Variants in FRAS1 observed in about 807,000 individuals in gnomAD.
FRAS1 encodes extracellular matrix organizing protein FRAS1.
In FRAS1, 290 loss-of-function variants were observed where a neutral mutation model predicts 435.2. That is an observed-to-expected ratio of 0.67 (90% CI 0.61 to 0.73). The LOEUF is 0.73. FRAS1 is among the 30% of genes least tolerant of loss of function. FRAS1 has a pLI of 0.00. For missense variants in FRAS1, 4,860 were observed against 5,001.5 expected (o/e 0.97, Z 0.85); for synonymous variants, 1,800 against 1,851.0 (o/e 0.97, Z 0.71).
At chr4:78,212,137 A>G (rs1723540632) in intron 2 of FRAS1, among the ~76,000 whole-genome samples, 1 of 152,182 alleles carries the variant, frequency 6.6e-6, no homozygotes, top group Non-Finnish European at 1.5e-5. Flanking sequence ...CATTTTGGCC[A>G]TTGTGAATAA....
At chr4:78,062,243 TA>T (rs1173074146) in intron 1 of FRAS1, among the ~76,000 whole-genome samples, 1 of 152,196 alleles carries the variant, frequency 6.6e-6, no homozygotes, top group Non-Finnish European at 1.5e-5. Flanking sequence ...AATCTTACCG[TA>T]GTTCCAAAAC....
intron 6 of FRAS1, among the ~76,000 whole-genome samples, chr4:78,263,753 A>G (rs1317578393): frequency 2.0e-5 from 3 of 152,228 alleles, no homozygotes; most frequent in Admixed American, 1.3e-4. Flanking sequence ...AATACTTTGC[A>G]TATAGAAAAA....
chr4:78,356,163 T>C (rs1419637444), intron 20 of FRAS1, among the ~76,000 whole-genome samples: 2 of 152,182 alleles, frequency 1.3e-5, no homozygotes, highest in Non-Finnish European at 2.9e-5. Context: ...TAGTTCTGTC[T>C]CTTTATTATC....
At chr4:78,128,583 C>T (rs1039276095) in intron 2 of FRAS1, among the ~76,000 whole-genome samples, 18 of 152,232 alleles carry the variant, frequency 1.2e-4, no homozygotes, top group Non-Finnish European at 1.9e-4. Flanking sequence ...TATCCTTCAC[C>T]CACTTGTTGA....
Position 78,191,540 on chromosome 4 carries a change from T to C in FRAS1, c.109-45970T>C, listed in dbSNP as rs866123588. Among the ~76,000 whole-genome samples, 1,206 of 152,082 alleles carry C rather than the reference T, an allele frequency of 7.9e-3. 11 individuals carry two copies. Among genetic ancestry groups the C allele is most frequent in the Non-Finnish European group, 0.012 (801 of 67,974 alleles). ...GATTTGTTTGTATTATTTTCTTTTT[T>C]TTTTTTTTTAATTATTATACTTTAA... On this transcript the variant is annotated intron_variant, in intron 2 of 73. Transcript: ENST00000512123.
At chr4:78,455,535 A>G (rs1279393560) in intron 47 of FRAS1, among the ~76,000 whole-genome samples, 1 of 152,172 alleles carries the variant, frequency 6.6e-6, no homozygotes, top group Non-Finnish European at 1.5e-5. Context: ...ATTATTATGA[A>G]TCACTGGTGC....
chr4:78,325,219 GCAAAATTGCA>G (rs1481328138), intron 18 of FRAS1, among the ~76,000 whole-genome samples: 1 of 152,100 alleles, frequency 6.6e-6, no homozygotes, highest in Non-Finnish European at 1.5e-5. Flanking sequence ...ACTGCACAGA[GCAAAATTGCA>G]CAAAATTGCT....
intron 2 of FRAS1, among the ~76,000 whole-genome samples, chr4:78,153,598 CT>C (rs975673615): frequency 1.3e-5 from 2 of 152,028 alleles, no homozygotes; most frequent in African/African-American, 4.8e-5. Flanking sequence ...TAAAGACTGT[CT>C]GTATATTTCA....
chr4:78,112,713 T>C (rs1000932927), intron 2 of FRAS1, among the ~76,000 whole-genome samples: 1 of 152,116 alleles, frequency 6.6e-6, no homozygotes, highest in African/African-American at 2.4e-5. Context: ...TTCATAGATA[T>C]ATTTTTCTTT....
At chr4:78,257,865 C>G (rs916731868) in intron 6 of FRAS1, among the ~76,000 whole-genome samples, 2 of 152,174 alleles carry the variant, frequency 1.3e-5, no homozygotes, top group Non-Finnish European at 2.9e-5. Flanking sequence ...CTGCTTTCAA[C>G]TTTTGTCCAG....
rs189031600 is a variant in FRAS1, at chr4:78,181,187, G to T, written c.109-56323G>T. 1.5e-4 allele frequency: 235 copies of T among 1,605,652 alleles called. 1 individual carries two copies. The African/African-American group carries it at 2.5e-3, about 17-fold the overall frequency. The stretch of plus-strand genomic sequence containing the variant: ...TTTTCAGATATTAAATTCTACTTTT[G>T]CCCGGTCCTTATTTTGAATAGCCTT... On this transcript the variant is annotated intron_variant, in intron 2 of 73. Coordinates refer to ENST00000512123, the MANE Select transcript of FRAS1 (RefSeq NM_025074.7).
At chr4:78,411,117 C>T (rs68173844) in intron 31 of FRAS1, among the ~76,000 whole-genome samples, 53,352 of 144,284 alleles carry the variant, frequency 0.37, 9,882 homozygotes, top group African/African-American at 0.38. Flanking sequence ...GATTTTTTTT[C>T]TTTTTTTTTC....
At chr4:78,472,394 C>A in intron 52 of FRAS1, 64 bp downstream of exon 52, 1 of 1,406,652 alleles carries the variant, frequency 7.1e-7, no homozygotes, top group East Asian at 2.4e-5. Flanking sequence ...TGCCTATCTC[C>A]CAGATTCTTC....
intron 2 of FRAS1, among the ~76,000 whole-genome samples, chr4:78,105,758 A>G (rs1201080128): frequency 6.6e-6 from 1 of 152,038 alleles, no homozygotes; most frequent in Non-Finnish European, 1.5e-5. Context: ...AGATGGCCGA[A>G]TAGGAACAGC....
intron 2 of FRAS1, among the ~76,000 whole-genome samples, chr4:78,210,184 C>T (rs148550350): frequency 6.6e-6 from 1 of 152,316 alleles, no homozygotes; most frequent in Non-Finnish European, 1.5e-5. Flanking sequence ...CCTTCCCTAG[C>T]CCTCACAACT....
intron 61 of FRAS1, 128 bp from the exon 62 acceptor site, chr4:78,507,293 G>A (rs13141571): frequency 0.3 from 247,716 of 834,384 alleles, 40,679 homozygotes; most frequent in South Asian, 0.52. Context: ...CAGCCACTGC[G>A]TTTATAGAAC....
intron 13 of FRAS1, among the ~76,000 whole-genome samples, chr4:78,286,094 G>A (rs1028548973): frequency 1.3e-5 from 2 of 152,166 alleles, no homozygotes; most frequent in Admixed American, 1.3e-4. Context: ...TCAAATGCCA[G>A]CCTCATGTGA....
intron 2 of FRAS1, among the ~76,000 whole-genome samples, chr4:78,170,957 T>C (rs981150626): frequency 2.0e-5 from 3 of 151,660 alleles, no homozygotes; most frequent in African/African-American, 7.3e-5. Context: ...CCCATTCCAC[T>C]CTCTCTCTCT....
intron 69 of FRAS1, 119 bp downstream of exon 69, chr4:78,522,927 A>G (rs1721432181): frequency 1.0e-6 from 1 of 961,356 alleles, no homozygotes; most frequent in Non-Finnish European, 1.5e-6. Context: ...AGGGGAATTG[A>G]TAGAAATAAC....
Sources: gnomAD v4.1 joint callset for allele counts (sites outside exome capture counted in the v4.1 genomes callset) on GRCh38, gnomAD v4.1.1 for gene constraint, MANE v1.5 for transcripts, NCBI Gene and HGNC (gene_info 2026-07-23, HGNC 2026-07-21) for gene names.